The following MAGEC3 variants were observed in gnomAD, a reference collection of about 807,000 sequenced individuals.
MAGEC3 encodes the protein MAGE family member C3, also known as melanoma-associated antigen C3.
MAGEC3 carries 34 observed loss-of-function variants against 35.3 expected under a neutral mutation model. The observed-to-expected ratio is 0.96, with a 90% CI of 0.73 to 1.28. The LOEUF (loss-of-function observed/expected upper bound fraction) is 1.28. Among genes scored for constraint, MAGEC3 ranks in the 50% most tolerant of loss-of-function variants. The probability of loss-of-function intolerance (pLI) is 0.00; values close to 1 mark genes in which losing one functional copy is unlikely to be tolerated. For missense variants in MAGEC3, 561 were observed against 483.6 expected (o/e 1.16, Z -1.50); for synonymous variants, 202 against 185.6 (o/e 1.09, Z -0.72).
chrX:141,861,433 T>A (rs1286902729), intron 1 of MAGEC3, among the ~76,000 whole-genome samples: 1 of 110,327 alleles, frequency 9.1e-6, no homozygotes, highest in East Asian at 2.8e-4. Context: ...AGAAAAAAAA[T>A]ATGAAAATTT....
chrX:141,844,054 C>G (rs888759990), intron 1 of MAGEC3, among the ~76,000 whole-genome samples: 1 of 110,612 alleles, frequency 9.0e-6, no homozygotes, highest in African/African-American at 3.3e-5. Flanking sequence ...TTATACGTAT[C>G]ATGTCATACT....
chrX:141,878,431 G>C (rs918778575), intron 2 of MAGEC3, among the ~76,000 whole-genome samples: 2 of 112,429 alleles, frequency 1.8e-5, no homozygotes, highest in Non-Finnish European at 3.8e-5. Flanking sequence ...GTAGTCACAT[G>C]AAGCCTCTGA....
intron 3 of MAGEC3, among the ~76,000 whole-genome samples, chrX:141,881,139 T>C (rs1603072705): frequency 9.1e-6 from 1 of 110,394 alleles, no homozygotes; most frequent in South Asian, 3.9e-4. Context: ...TCCCCTCCTC[T>C]TCCTTCTCTT....
chrX:141,881,886 A>G lies in MAGEC3; in HGVS notation c.909+90A>G, dbSNP rs374264606. ...TGCAGGGACATTACCTGGAGTAGCG[A>G]CATGTGCCCAGTAGTGCTCCTCCAC... On this transcript the variant is annotated intron_variant, in intron 4 of 7. Transcript: ENST00000298296. 3.8e-4 allele frequency: 413 copies of G among 1,088,156 alleles called. 2 individuals are homozygous for G. In the South Asian group the frequency reaches 7.5e-3, roughly 20 times the overall value. The allele number at this position is 1,088,156 out of a possible 1,213,427, so 89.7% of individuals were successfully genotyped here.
rs745923815 is a variant in MAGEC3, at chrX:141,863,304, G to C, written c.124-2167G>C. Among the ~76,000 whole-genome samples, 493 of 111,116 alleles carry C rather than the reference G, an allele frequency of 4.4e-3. 1 individual carries two copies. Among genetic ancestry groups the C allele is most frequent in the Non-Finnish European group, 7.2e-3 (383 of 52,994 alleles). The stretch of plus-strand genomic sequence containing the variant: ...ACAATGCAAGGATAAGTTGTTGTTG[G>C]AGGTTCGTTGGAAGGAGGAAGAGGG... On this transcript the variant is annotated intron_variant, in intron 1 of 7. Transcript: ENST00000298296.
rs73579873 is a variant in MAGEC3 at position 141,897,772 on chromosome X, T to G, written c.1872T>G (p.Asp624Glu). 2,442 of 1,208,044 alleles carry G rather than the reference T, an allele frequency of 2.0e-3. 37 individuals are homozygous for G. The African/African-American group carries it at 0.035, about 18-fold the overall frequency. ...RAQAIIDTTD[D>E]ATAMASASPS... ...AGGCCATAATTGACACCACAGATGA[T>G]GCTACTGCCATGGCCAGTGCAAGCC... Residue 624 changes from aspartate to glutamate, a missense_variant, in exon 8 of 8, where the codon GAT becomes GAG. Physicochemically the swap from Asp to Glu is conservative, Grantham distance 45. Coordinates refer to ENST00000298296, the MANE Select transcript of MAGEC3 (RefSeq NM_138702.1).
At chrX:141,887,407 G>T (rs1377327690) in intron 4 of MAGEC3, among the ~76,000 whole-genome samples, 1 of 112,217 alleles carries the variant, frequency 8.9e-6, no homozygotes, top group Non-Finnish European at 1.9e-5. Context: ...CATTCCAGAG[G>T]ATGGGAAATA....
chrX:141,840,024 A>T (rs1303180335), intron 1 of MAGEC3: 8 of 750,641 alleles, frequency 1.1e-5, no homozygotes, highest in Non-Finnish European at 1.3e-5. Context: ...ACTTTCCAAA[A>T]ATTTGCTGCA....
intron 4 of MAGEC3, chrX:141,894,648 C>A (rs746622142): frequency 3.1e-6 from 3 of 968,118 alleles, no homozygotes; most frequent in East Asian, 1.5e-4. Context: ...AGACACGGGG[C>A]AGCTTCAGTT....
chrX:141,863,915 G>T (rs2017831306), intron 1 of MAGEC3, among the ~76,000 whole-genome samples: 1 of 111,463 alleles, frequency 9.0e-6, no homozygotes, highest in Non-Finnish European at 1.9e-5. Flanking sequence ...TGTATTATCT[G>T]ATTTATAGAC....
chrX:141,882,696 A>G (rs1465196389), intron 4 of MAGEC3, among the ~76,000 whole-genome samples: 1 of 112,386 alleles, frequency 8.9e-6, no homozygotes, highest in East Asian at 2.8e-4. Context: ...TTTGCCTAAC[A>G]TTCTGTGAGC....
intron 2 of MAGEC3, among the ~76,000 whole-genome samples, chrX:141,873,953 C>A (rs1420226802): frequency 9.0e-6 from 1 of 111,702 alleles, no homozygotes; most frequent in Non-Finnish European, 1.9e-5. Flanking sequence ...TAACACTTCC[C>A]AACTTCAGGT....
chrX:141,883,906 C>A (rs190162158), intron 4 of MAGEC3, among the ~76,000 whole-genome samples: 1 of 113,439 alleles, frequency 8.8e-6, no homozygotes, highest in Non-Finnish European at 1.9e-5. Context: ...TCCATTGTCT[C>A]TTTTCTGTGT....
rs2018079213 is a variant in MAGEC3, at chrX:141,895,286, A to C, written c.927A>C (p.Ala309=). ...GCTGTCAGCCCTGGTCAGCCTTGGC[A>C]GGGTTCGCGGATGTGCTTTCCCGAC... ...LNAIGPWSAL[A]GFADVLSRLA... The change falls in exon 5 of 8, where the codon GCA becomes GCC. Residue 309 remains alanine (A), a synonymous_variant. Transcript: ENST00000298296. 5.8e-6 allele frequency: 7 copies of C among 1,210,227 alleles called. No individual in the cohort carries two copies. The highest frequency in any genetic ancestry group is 7.8e-6 in the Non-Finnish European group (7 of 894,733).
At chrX:141,844,442 A>T (rs1479381570) in intron 1 of MAGEC3, among the ~76,000 whole-genome samples, 4 of 110,899 alleles carry the variant, frequency 3.6e-5, no homozygotes, top group African/African-American at 1.3e-4. Flanking sequence ...TGCCTTTGGT[A>T]TTCTGCTGTT....
intron 1 of MAGEC3, among the ~76,000 whole-genome samples, chrX:141,857,376 A>T (rs2017787660): frequency 9.0e-6 from 1 of 110,937 alleles, no homozygotes; most frequent in Admixed American, 9.6e-5. Flanking sequence ...TTCCAGGATA[A>T]CTGGGTCCCT....
At chrX:141,893,721 G>C (rs949881593) in intron 4 of MAGEC3, among the ~76,000 whole-genome samples, 6 of 104,728 alleles carry the variant, frequency 5.7e-5, no homozygotes, top group South Asian at 4.6e-4. Context: ...AATTGGGGGG[G>C]GGGGCGTAGA....
Position 141,896,529 on chromosome X carries a change from C to A in MAGEC3, c.1124-353C>A. 2.5e-6 allele frequency: 3 copies of A among 1,190,719 alleles called. No homozygotes were observed. In the East Asian group the frequency reaches 8.9e-5, roughly 35 times the overall value. ...AGCTGTAAGCCAGCCTTTGTCAGAACCATCATAGGTGAGTTTCTCAGCTGA... is the reference window on the plus strand; with the variant it reads ...AGCTGTAAGCCAGCCTTTGTCAGAAACATCATAGGTGAGTTTCTCAGCTGA... On this transcript the variant is annotated intron_variant, in intron 6 of 7. Coordinates refer to ENST00000298296, the MANE Select transcript of MAGEC3 (RefSeq NM_138702.1).
At chrX:141,860,870 A>G (rs2017811194) in intron 1 of MAGEC3, among the ~76,000 whole-genome samples, 1 of 111,357 alleles carries the variant, frequency 9.0e-6, no homozygotes, top group Non-Finnish European at 1.9e-5. Flanking sequence ...CTGGAAGTGG[A>G]TGGTGGTGAT....
Sources: gnomAD v4.1 joint callset for allele counts (sites outside exome capture counted in the v4.1 genomes callset) on GRCh38, gnomAD v4.1.1 for gene constraint, MANE v1.5 for transcripts, NCBI Gene and HGNC (gene_info 2026-07-23, HGNC 2026-07-21) for gene names.